CDH23: variants seen among roughly 807,000 people sequenced by gnomAD.
The protein encoded by CDH23 is cadherin related 23, also known as cadherin-23.
In CDH23, 189 loss-of-function variants were observed where a neutral mutation model predicts 317.1. The observed-to-expected ratio is 0.60, with a 90% CI of 0.53 to 0.67. CDH23 has a LOEUF of 0.67. Among genes scored for constraint, CDH23 ranks in the 30% least tolerant of loss-of-function variants. The pLI is 0.00. For synonymous variants in CDH23, 1,839 were observed against 1,876.8 expected (o/e 0.98, Z 0.52); for missense variants, 4,401 against 4,592.4 (o/e 0.96, Z 1.20).
intron 53 of CDH23, among the ~76,000 whole-genome samples, chr10:71,801,898 G>A (rs1589430296): frequency 6.6e-6 from 1 of 152,226 alleles, no homozygotes; most frequent in East Asian, 1.9e-4. Context: ...CACTGCCTTT[G>A]TCAGTCAACC....
chr10:71,797,621 G>A (rs1176097381), intron 49 of CDH23, among the ~76,000 whole-genome samples: 1 of 152,216 alleles, frequency 6.6e-6, no homozygotes, highest in Non-Finnish European at 1.5e-5. Context: ...AAGCCACAGG[G>A]TTAGCACAAA....
intron 30 of CDH23, among the ~76,000 whole-genome samples, chr10:71,727,044 C>T (rs926733356): frequency 1.3e-5 from 2 of 152,212 alleles, no homozygotes; most frequent in Admixed American, 1.3e-4. Context: ...ACGTCCTGCC[C>T]GTCTCCCCTG....
intron 11 of CDH23, among the ~76,000 whole-genome samples, chr10:71,630,838 G>A (rs1861976679): frequency 6.6e-6 from 1 of 152,202 alleles, no homozygotes; most frequent in Non-Finnish European, 1.5e-5. Flanking sequence ...GGCTCTCCCA[G>A]ATTCTAGAAA....
chr10:71,669,711 G>T (rs911221906), intron 14 of CDH23, among the ~76,000 whole-genome samples: 6 of 152,276 alleles, frequency 3.9e-5, no homozygotes, highest in African/African-American at 1.2e-4. Context: ...GCCTCCCAAA[G>T]TGCTGGGATT....
At chr10:71,472,496 C>A (rs547488492) in intron 3 of CDH23, among the ~76,000 whole-genome samples, 1 of 152,354 alleles carries the variant, frequency 6.6e-6, no homozygotes, top group East Asian at 1.9e-4. Flanking sequence ...TGGTTGGACC[C>A]TCACTCAGCC....
chr10:71,574,948 C>T (rs1377013258), intron 8 of CDH23, among the ~76,000 whole-genome samples: 1 of 152,024 alleles, frequency 6.6e-6, no homozygotes, highest in African/African-American at 2.4e-5. Context: ...CCGCCTCCCT[C>T]CACCCCACCC....
At chr10:71,461,215 G>A (rs7921319) in intron 3 of CDH23, among the ~76,000 whole-genome samples, 60,847 of 151,778 alleles carry the variant, frequency 0.4, 13,245 homozygotes, top group East Asian at 0.59. Context: ...AAACTCTTTG[G>A]AGGCCGAGCC....
At chr10:71,417,695 C>T (rs535075410) in intron 1 of CDH23, among the ~76,000 whole-genome samples, 1 of 152,268 alleles carries the variant, frequency 6.6e-6, no homozygotes, top group Non-Finnish European at 1.5e-5. Flanking sequence ...CTGCTATTTC[C>T]ACCTCCAGGG....
At chr10:71,781,661 T>C (rs1163280657) in intron 41 of CDH23, among the ~76,000 whole-genome samples, 1 of 152,170 alleles carries the variant, frequency 6.6e-6, no homozygotes, top group Non-Finnish European at 1.5e-5. Context: ...CCTTAAGAAT[T>C]TGGGGCCTTG....
rs760052525 is a variant in CDH23, at chr10:71,798,422, T to A, written c.6898T>A (p.Tyr2300Asn). 6 of 1,613,834 alleles carry A rather than the reference T, an allele frequency of 3.7e-6. No individual in the cohort carries two copies. The African/African-American group carries it at 8.0e-5, about 22-fold the overall frequency. Residue 2300 changes from tyrosine (Y) to asparagine (N), a missense_variant, in exon 50 of 70, where the codon TAC becomes AAC. Tyr to Asn is a moderately radical substitution (Grantham distance 143). This residue lies in a region of CDH23 where 3,068 missense variants were observed against 3,203.3 expected (regional missense o/e 0.96). Transcript: ENST00000224721. Reference protein sequence around the residue: ...TPQFKPFGITYYMERILEGAT... With the variant: ...TPQFKPFGITNYMERILEGAT... ...CCAGTTCAAGCCCTTTGGGATCACC[T>A]ACTACATGGAGCGGATCCTGGAGGG... is the stretch of plus-strand genomic sequence containing the variant.
intron 6 of CDH23, among the ~76,000 whole-genome samples, chr10:71,512,621 T>G (rs908186511): frequency 2.0e-5 from 3 of 152,170 alleles, no homozygotes; most frequent in Admixed American, 6.5e-5. Flanking sequence ...TTCCCTCTCA[T>G]GGGGCAGCAG....
chr10:71,598,730 C>A (rs1860024277), intron 9 of CDH23, among the ~76,000 whole-genome samples: 1 of 152,208 alleles, frequency 6.6e-6, no homozygotes, highest in South Asian at 2.1e-4. Context: ...GGTTGTGGAG[C>A]CTCCTCCCTG....
chr10:71,588,165 C>T (rs1306543167), intron 9 of CDH23, among the ~76,000 whole-genome samples: 1 of 152,200 alleles, frequency 6.6e-6, no homozygotes, highest in African/African-American at 2.4e-5. Context: ...CCACCCCACA[C>T]AGCTCTGATT....
At chr10:71,437,784 G>A (rs115680367) in intron 1 of CDH23, among the ~76,000 whole-genome samples, 1,863 of 152,192 alleles carry the variant, frequency 0.012, 36 homozygotes, top group African/African-American at 0.042. Flanking sequence ...CAGAAGCTCC[G>A]CCACACTGGG....
intron 1 of CDH23, among the ~76,000 whole-genome samples, chr10:71,398,639 G>A (rs1393187933): frequency 2.0e-5 from 3 of 152,106 alleles, no homozygotes; most frequent in Non-Finnish European, 2.9e-5. Context: ...TGCAGGGGTA[G>A]GCGCACTGCG....
chr10:71,548,327 C>T (rs1674324046), intron 6 of CDH23, among the ~76,000 whole-genome samples: 1 of 152,082 alleles, frequency 6.6e-6, no homozygotes, highest in African/African-American at 2.4e-5. Context: ...GACTTGAGCT[C>T]CTAATCCAGT....
chr10:71,516,844 T>C (rs1473358768), intron 6 of CDH23, among the ~76,000 whole-genome samples: 1 of 152,228 alleles, frequency 6.6e-6, no homozygotes, highest in Non-Finnish European at 1.5e-5. Context: ...TATACCTGCC[T>C]TGCAAACATC....
Position 71,446,364 on chromosome 10 carries a change from A to G in CDH23, c.114A>G (p.Thr38=), listed in dbSNP as rs993621392. The change falls in exon 3 of 70, where the codon ACA becomes ACG. Residue 38 remains threonine, a synonymous_variant. Transcript: ENST00000224721. ...LPFFTNHFFD[T]YLLISEDTPV... ...TCTTCACCAACCACTTCTTTGATAC[A>G]TACCTGCTGATCAGCGAGGACACGC... 1 of 1,613,910 alleles carries G rather than the reference A, an allele frequency of 6.2e-7. No homozygotes were observed. The highest frequency in any genetic ancestry group is 8.5e-7 in the Non-Finnish European group (1 of 1,179,904).
intron 38 of CDH23, among the ~76,000 whole-genome samples, chr10:71,746,625 CAGGG>C (rs1300963015): frequency 6.6e-6 from 1 of 152,164 alleles, no homozygotes; most frequent in Non-Finnish European, 1.5e-5. Context: ...GAGCTGGGCC[CAGGG>C]AGGAAGGGCG....
Sources: allele counts gnomAD v4.1 joint callset (sites outside exome capture counted in the v4.1 genomes callset), GRCh38; gene constraint gnomAD v4.1.1; regional missense constraint gnomAD v4.1.1; transcripts MANE v1.5; gene names NCBI Gene and HGNC (gene_info 2026-07-23, HGNC 2026-07-21).